The following FBXO28 variants were observed in gnomAD, a reference collection of about 807,000 sequenced individuals.
FBXO28 encodes the protein F-box protein 28.
Under a neutral mutation model 38.1 loss-of-function variants are expected in FBXO28, and 8 were observed. The ratio of observed to expected loss-of-function variants is 0.21; its 90% CI spans 0.12 to 0.38. The LOEUF (loss-of-function observed/expected upper bound fraction) is 0.38, where lower values mean the gene tolerates loss of function less well. Ranked by LOEUF, FBXO28 falls within the 10% of genes least tolerant of loss-of-function variation. The probability of loss-of-function intolerance (pLI) is 1.00; values close to 1 mark genes in which losing one functional copy is unlikely to be tolerated. For synonymous variants in FBXO28, 168 were observed against 173.8 expected (o/e 0.97, Z 0.26); for missense variants, 345 against 460.6 (o/e 0.75, Z 2.30).
chr1:224,137,833 G>A (rs1657232360), intron 3 of FBXO28, among the ~76,000 whole-genome samples: 1 of 151,808 alleles, frequency 6.6e-6, no homozygotes. Context: ...CTCTCCAATT[G>A]CAGGCAAGCT....
intron 1 of FBXO28, among the ~76,000 whole-genome samples, chr1:224,126,345 A>G (rs973250793): frequency 2.0e-5 from 3 of 152,252 alleles, no homozygotes; most frequent in Non-Finnish European, 2.9e-5. Context: ...TTGTTACAGC[A>G]GTAATTGACC....
chr1:224,130,761 C>CT, intron 2 of FBXO28, 180 bp downstream of exon 2: 1 of 495,236 alleles, frequency 2.0e-6, no homozygotes, highest in South Asian at 2.9e-5. Flanking sequence ...CAACATTTTA[C>CT]TGGAGGTTCT....
chr1:224,156,136 C>T (rs1210049371), intron 4 of FBXO28, among the ~76,000 whole-genome samples: 1 of 152,156 alleles, frequency 6.6e-6, no homozygotes, highest in East Asian at 1.9e-4. Context: ...AGAAGATTAA[C>T]ATTATGGTTT....
intron 3 of FBXO28, among the ~76,000 whole-genome samples, chr1:224,146,317 TAAAA>T (rs1657502642): frequency 6.6e-6 from 1 of 151,142 alleles, no homozygotes; most frequent in South Asian, 2.1e-4. Context: ...TTTTAAAAAA[TAAAA>T]GGGGTAGAAG....
At chr1:224,120,694 C>T (rs1429654044) in intron 1 of FBXO28, among the ~76,000 whole-genome samples, 1 of 152,086 alleles carries the variant, frequency 6.6e-6, no homozygotes, top group Non-Finnish European at 1.5e-5. Flanking sequence ...GAAACCCCGT[C>T]TATACCGAAA....
At chr1:224,143,956 G>T (rs985810634) in intron 3 of FBXO28, among the ~76,000 whole-genome samples, 2 of 150,250 alleles carry the variant, frequency 1.3e-5, no homozygotes, top group African/African-American at 4.9e-5. Context: ...GACCAGCCTG[G>T]CCAGTAGAGA....
intron 1 of FBXO28, among the ~76,000 whole-genome samples, chr1:224,122,106 T>G (rs1432275717): frequency 6.6e-6 from 1 of 152,180 alleles, no homozygotes; most frequent in Admixed American, 6.5e-5. Context: ...TAAAGTATTC[T>G]TTTGGAAGAG....
At chr1:224,122,271 C>G (rs1656796970) in intron 1 of FBXO28, among the ~76,000 whole-genome samples, 1 of 152,056 alleles carries the variant, frequency 6.6e-6, no homozygotes, top group Non-Finnish European at 1.5e-5. Context: ...GCCACATTTG[C>G]TTTATCTGTT....
At chr1:224,148,671 A>G (rs1266373611) in intron 3 of FBXO28, among the ~76,000 whole-genome samples, 2 of 148,400 alleles carry the variant, frequency 1.3e-5, no homozygotes, top group African/African-American at 2.5e-5. Flanking sequence ...CAAAAAAAGA[A>G]AAAAAAAAAG....
intron 4 of FBXO28, among the ~76,000 whole-genome samples, chr1:224,156,385 A>G (rs1043828735): frequency 1.3e-5 from 2 of 152,196 alleles, no homozygotes; most frequent in African/African-American, 4.8e-5. Context: ...AAGCCTTTGT[A>G]TATAACTTAA....
chr1:224,127,768 G>A (rs1055283902), intron 1 of FBXO28, among the ~76,000 whole-genome samples: 1 of 152,108 alleles, frequency 6.6e-6, no homozygotes, highest in Non-Finnish European at 1.5e-5. Flanking sequence ...TTAGCTGGGC[G>A]TGGTGGCACG....
intron 3 of FBXO28, among the ~76,000 whole-genome samples, chr1:224,148,399 C>G (rs1339236383): frequency 6.6e-6 from 1 of 152,064 alleles, no homozygotes; most frequent in African/African-American, 2.4e-5. Context: ...GCCTGCAATC[C>G]CAGCTCTTTG....
rs1657891514 is a variant in FBXO28, at chr1:224,160,900, T to C, written c.*3154T>C. ...ATAAGTAATGCCTAAATTAATAAGC[T>C]AAAAGGTGTCACTACAGCTGGATTT... On this transcript the variant is annotated 3_prime_UTR_variant, in exon 5 of 5. Coordinates refer to ENST00000366862, the MANE Select transcript of FBXO28 (RefSeq NM_015176.4). 1 of 152,160 alleles carries C rather than the reference T, an allele frequency of 6.6e-6. No individual in the cohort carries two copies. The highest frequency in any genetic ancestry group is 1.5e-5 in the Non-Finnish European group (1 of 68,034). The allele number at this position is 152,160 out of a possible 1,614,324, so 9.4% of individuals were successfully genotyped here.
At chr1:224,116,940 C>T (rs544550841) in intron 1 of FBXO28, among the ~76,000 whole-genome samples, 6 of 152,082 alleles carry the variant, frequency 3.9e-5, no homozygotes, top group Non-Finnish European at 5.9e-5. Flanking sequence ...TTTGGGACGC[C>T]GAGGTGGGCA....
intron 2 of FBXO28, among the ~76,000 whole-genome samples, chr1:224,132,091 A>G (rs1657061195): frequency 6.6e-6 from 1 of 152,098 alleles, no homozygotes; most frequent in Non-Finnish European, 1.5e-5. Flanking sequence ...TGTCTCTACT[A>G]AAAATACAAA....
At chr1:224,154,033 G>A (rs1657710099) in intron 4 of FBXO28, among the ~76,000 whole-genome samples, 1 of 152,142 alleles carries the variant, frequency 6.6e-6, no homozygotes, top group Admixed American at 6.5e-5. Context: ...AGGAGTTCAA[G>A]GTGAAAAGTT....
In FBXO28 at chr1:224,135,880, C is replaced by T. The variant is rs573116200; in HGVS notation, c.516+1668C>T. 4.0e-5 allele frequency among the ~76,000 whole-genome samples: 6 copies of T among 151,810 alleles called. No homozygotes were observed. The East Asian group carries it at 9.8e-4, about 25-fold the overall frequency. On this transcript the variant is annotated intron_variant, in intron 3 of 4. Coordinates refer to ENST00000366862, the MANE Select transcript of FBXO28 (RefSeq NM_015176.4). ...GGAAACCCTGTCTCTACTAAAAATACGAAAATTAGCTGGGCATGGTGGCAT... is the reference window on the plus strand; with the variant it reads ...GGAAACCCTGTCTCTACTAAAAATATGAAAATTAGCTGGGCATGGTGGCAT...
At chr1:224,127,687 A>G (rs1415509116) in intron 1 of FBXO28, among the ~76,000 whole-genome samples, 3 of 152,144 alleles carry the variant, frequency 2.0e-5, no homozygotes, top group Non-Finnish European at 2.9e-5. Flanking sequence ...CAGGCAAATC[A>G]CCTGAGGCCA....
At chr1:224,126,669 G>T (rs1572009086) in intron 1 of FBXO28, among the ~76,000 whole-genome samples, 1 of 152,126 alleles carries the variant, frequency 6.6e-6, no homozygotes, top group Non-Finnish European at 1.5e-5. Flanking sequence ...AATTAGCCAG[G>T]TGTGGTGGCA....
Sources: gnomAD v4.1 joint callset for allele counts (sites outside exome capture counted in the v4.1 genomes callset) on GRCh38, gnomAD v4.1.1 for gene constraint, MANE v1.5 for transcripts, NCBI Gene and HGNC (gene_info 2026-07-23, HGNC 2026-07-21) for gene names.